The following TNK2 variants were observed in gnomAD, a reference collection of about 807,000 sequenced individuals.
TNK2 encodes tyrosine kinase non receptor 2.
TNK2 carries 83 observed loss-of-function variants against 101.8 expected under a neutral mutation model. The observed-to-expected ratio is 0.82, with a 90% CI of 0.68 to 0.98. The LOEUF (loss-of-function observed/expected upper bound fraction) is 0.98, where lower values mean the gene tolerates loss of function less well. Ranked by LOEUF, TNK2 falls within the 50% of genes least tolerant of loss-of-function variation. The probability of loss-of-function intolerance (pLI) is 0.00; values close to 1 mark genes in which losing one functional copy is unlikely to be tolerated. For synonymous variants in TNK2, 804 were observed against 633.0 expected (o/e 1.27, Z -4.06); for missense variants, 1,665 against 1,483.2 (o/e 1.12, Z -2.01).
At chr3:195,874,511 G>A (rs1017632045) in intron 9 of TNK2, among the ~76,000 whole-genome samples, 36 of 151,042 alleles carry the variant, frequency 2.4e-4, no homozygotes, top group Non-Finnish European at 4.0e-4. Context: ...TGGCGCCCAC[G>A]CACACTCCGA....
chr3:195,876,789 G>GCAGC (rs1749627861), intron 9 of TNK2: 1 of 367,292 alleles, frequency 2.7e-6, no homozygotes, highest in South Asian at 2.0e-5. Context: ...CCTCCCAGGA[G>GCAGC]CAGCCGCTCC....
Position 195,882,803 on chromosome 3 carries a change from A to G in TNK2, c.609+354T>C, listed in dbSNP as rs1232070903. Among the ~76,000 whole-genome samples, 2 of 152,228 alleles carry G rather than the reference A, an allele frequency of 1.3e-5. No homozygotes were observed. Among genetic ancestry groups the G allele is most frequent in the African/African-American group, 4.8e-5 (2 of 41,454 alleles). On this transcript the variant is annotated intron_variant, in intron 5 of 15. Transcript: ENST00000672887. The surrounding 1 kb of genome is among the most constrained non-coding windows in gnomAD (Gnocchi z 4.2). ...AACCCAGGAGGCCGAGGTTGCAGTG[A>G]GCCTAGATCATGCCATTGCACTCCA...
intron 2 of TNK2, among the ~76,000 whole-genome samples, chr3:195,887,614 G>A (rs532622447): frequency 5.7e-4 from 87 of 151,496 alleles, no homozygotes; most frequent in African/African-American, 2.0e-3. Flanking sequence ...TAACTTGAAA[G>A]CCCTAATACG....
At chr3:195,880,116 A>T (rs1299587423) in intron 6 of TNK2, among the ~76,000 whole-genome samples, 3 of 152,092 alleles carry the variant, frequency 2.0e-5, no homozygotes. Context: ...CAAAGCAGGC[A>T]GATCACAGAC....
At chr3:195,872,186 G>T in intron 10 of TNK2, 90 bp downstream of exon 10, 1 of 1,419,536 alleles carries the variant, frequency 7.0e-7, no homozygotes, top group Non-Finnish European at 9.6e-7. Flanking sequence ...GCGAAAGGGT[G>T]AAGAGCAGAT....
Position 195,885,487 on chromosome 3 carries a change from C to G in TNK2, c.235-454G>C. The G allele has an allele frequency of 3.8e-6, 5 of 1,298,836 alleles. No individual in the cohort carries two copies. The highest frequency in any genetic ancestry group is 5.0e-6 in the Non-Finnish European group (5 of 995,162). 80.5% of individuals were successfully genotyped at this position (1,298,836 alleles called of 1,614,324 possible). On this transcript the variant is annotated intron_variant, in intron 3 of 15. Coordinates refer to ENST00000672887, the MANE Select transcript of TNK2 (RefSeq NM_001382273.1). This position sits in a 1 kb window ranked among gnomAD's most constrained non-coding sequence, Gnocchi z 4.7. The stretch of plus-strand genomic sequence containing the variant: ...TTTTAGCCCTGGCCCCTTCTCTGGC[C>G]TGACCATTTGGTGCTGTCTGTCTCC...
At position 195,869,639 on chromosome 3, in the gene TNK2, G is replaced by A. The variant is rs931010320; in HGVS notation, c.1544-98C>T. The A allele has an allele frequency of 2.5e-5, 26 of 1,046,090 alleles. No individual in the cohort carries two copies. The East Asian group carries it at 2.8e-4, about 11-fold the overall frequency. The allele number at this position is 1,046,090 out of a possible 1,614,324, so 64.8% of individuals were successfully genotyped here. On this transcript the variant is annotated intron_variant, in intron 11 of 15. Coordinates refer to ENST00000672887, the MANE Select transcript of TNK2 (RefSeq NM_001382273.1). ...ACGAGAGGGCAGAGTGTAGAGAGAC[G>A]AAGGGAGAGAAGTGAATGGGGGCGA...
rs1741750946 is a variant in TNK2 at position 195,867,569 on chromosome 3, GGCA to G, written c.2726_2728del (p.Leu909del). 1 of 1,576,356 alleles carries G rather than the reference GGCA, an allele frequency of 6.3e-7. No homozygotes were observed. The highest frequency in any genetic ancestry group is 8.6e-7 in the Non-Finnish European group (1 of 1,169,276). ...GGCGGGGGCTGGGGTGCTGGGTGGG[GGCA>G]GCAGCAGAGGCACAGGCAGGGGGGT... On this transcript the variant is annotated inframe_deletion, in exon 13 of 16. Coordinates refer to ENST00000672887, the MANE Select transcript of TNK2 (RefSeq NM_001382273.1).
At chr3:195,900,252 G>A (rs1258198226) in intron 1 of TNK2, among the ~76,000 whole-genome samples, 2 of 152,074 alleles carry the variant, frequency 1.3e-5, no homozygotes, top group Non-Finnish European at 2.9e-5. Flanking sequence ...CACCGAGAGA[G>A]AGGAGGGGAA....
chr3:195,867,165 G>A lies in TNK2; in HGVS notation c.3033+4C>T. The A allele has an allele frequency of 6.2e-7, 1 of 1,612,532 alleles. No individual in the cohort carries two copies. The highest frequency in any genetic ancestry group is 8.5e-7 in the Non-Finnish European group (1 of 1,179,716). ...GAGCCAGAGTGAGCAGGAGGTGGCG[G>A]TACCTTCAGATACTGGGCAGCCCTC... is the stretch of plus-strand genomic sequence containing the variant. On this transcript the variant is annotated splice_donor_region_variant and intron_variant, in intron 14 of 15. Coordinates refer to ENST00000672887, the MANE Select transcript of TNK2 (RefSeq NM_001382273.1).
At chr3:195,894,437 T>G (rs1346958787) in intron 1 of TNK2, 3 of 151,932 alleles carry the variant, frequency 2.0e-5, no homozygotes, top group South Asian at 2.1e-4. Context: ...TTTTTTTTTT[T>G]GAGAGTCTTG....
intron 1 of TNK2, among the ~76,000 whole-genome samples, chr3:195,900,359 G>A (rs1393568488): frequency 6.6e-6 from 1 of 152,172 alleles, no homozygotes; most frequent in African/African-American, 2.4e-5. Context: ...CTCCAGTGGA[G>A]AAGGGAATGT....
At chr3:195,864,858 G>A (rs915735890) in intron 15 of TNK2, among the ~76,000 whole-genome samples, 1 of 139,336 alleles carries the variant, frequency 7.2e-6, no homozygotes, top group Non-Finnish European at 1.6e-5. Context: ...ACCCGAGACA[G>A]TGACAGACAG....
In TNK2 at chr3:195,885,485, G is replaced by A. The variant is rs1368871972; in HGVS notation, c.235-452C>T. On this transcript the variant is annotated intron_variant, in intron 3 of 15. Coordinates refer to ENST00000672887, the MANE Select transcript of TNK2 (RefSeq NM_001382273.1). This position sits in a 1 kb window ranked among gnomAD's most constrained non-coding sequence, Gnocchi z 4.7. ...ATTTTTAGCCCTGGCCCCTTCTCTGGCCTGACCATTTGGTGCTGTCTGTCT... is the reference window on the plus strand; with the variant it reads ...ATTTTTAGCCCTGGCCCCTTCTCTGACCTGACCATTTGGTGCTGTCTGTCT... 7.7e-7 allele frequency: 1 copy of A among 1,299,262 alleles called. No individual in the cohort carries two copies. Among genetic ancestry groups the A allele is most frequent in the South Asian group, 1.2e-5 (1 of 81,102 alleles). 80.5% of individuals were successfully genotyped at this position (1,299,262 alleles called of 1,614,324 possible).
intron 6 of TNK2, among the ~76,000 whole-genome samples, chr3:195,879,687 G>T (rs972605246): frequency 5.9e-5 from 9 of 152,156 alleles, no homozygotes; most frequent in Admixed American, 2.0e-4. Context: ...GGTTGAGGGG[G>T]AAGTGCCACT....
At chr3:195,891,806 G>T in intron 1 of TNK2, 1 of 489,920 alleles carries the variant, frequency 2.0e-6, no homozygotes, top group Non-Finnish European at 2.7e-6. Flanking sequence ...TCAAAGCCAT[G>T]CCCGGGGTGG....
chr3:195,898,603 CCTAGACATA>C (rs1560544357), intron 1 of TNK2, among the ~76,000 whole-genome samples: 1 of 152,058 alleles, frequency 6.6e-6, no homozygotes, highest in Non-Finnish European at 1.5e-5. Flanking sequence ...TTTGCCCTTC[CCTAGACATA>C]CTCTGGGGTT....
Position 195,888,251 on chromosome 3 carries a change from T to G in TNK2, c.163+175A>C, listed in dbSNP as rs1756981442. ...GGCCTCACTCTCCTCAAACTCCAAT[T>G]CACCTTTATAACTGCCAACTGTTCT... On this transcript the variant is annotated intron_variant, in intron 2 of 15. Transcript: ENST00000672887. This position sits in a 1 kb window ranked among gnomAD's most constrained non-coding sequence, Gnocchi z 5.3. Among the ~76,000 whole-genome samples, 1 of 152,050 alleles carries G rather than the reference T, an allele frequency of 6.6e-6. No individual in the cohort carries two copies. The highest frequency in any genetic ancestry group is 6.5e-5 in the Admixed American group (1 of 15,272).
At position 195,878,637 on chromosome 3, in the gene TNK2, A is replaced by G; in HGVS notation, c.1015-45T>C. On this transcript the variant is annotated intron_variant, in intron 7 of 15. Coordinates refer to ENST00000672887, the MANE Select transcript of TNK2 (RefSeq NM_001382273.1). This position sits in a 1 kb window ranked among gnomAD's most constrained non-coding sequence, Gnocchi z 4.7. ...GAGTTTGACGACAAACAGAGCGCCC[A>G]GCCCTTCACTTCCCGCCTTCCCTCC... 3.8e-6 allele frequency: 6 copies of G among 1,593,522 alleles called. No homozygotes were observed. The highest frequency in any genetic ancestry group is 5.1e-6 in the Non-Finnish European group (6 of 1,167,914).
Sources: allele counts gnomAD v4.1 joint callset (sites outside exome capture counted in the v4.1 genomes callset), GRCh38; gene constraint gnomAD v4.1.1; non-coding constraint Gnocchi (gnomAD v3.1); transcripts MANE v1.5; gene names NCBI Gene and HGNC (gene_info 2026-07-23, HGNC 2026-07-21).